Variants in SPIRE1 observed in about 807,000 individuals in gnomAD.
SPIRE1 encodes the protein spire type actin nucleation factor 1, also known as protein spire homolog 1.
A neutral mutation model predicts 94.1 loss-of-function variants in SPIRE1; 40 were observed. The ratio of observed to expected loss-of-function variants is 0.43; its 90% confidence interval spans 0.33 to 0.55. The LOEUF (loss-of-function observed/expected upper bound fraction) is 0.55, where lower values mean the gene tolerates loss of function less well. Ranked by LOEUF, SPIRE1 falls within the 20% of genes least tolerant of loss-of-function variation. SPIRE1 has a pLI of 0.06. For missense variants in SPIRE1, 838 were observed against 975.2 expected, an observed-to-expected ratio of 0.86 and a Z score of 1.87; for synonymous variants, 376 against 371.7, an observed-to-expected ratio of 1.01 and a Z score of -0.13.
rs561026025 is a variant in SPIRE1 at position 12,575,303 on chromosome 18, T to TA, written c.373-28400dup. ...AGTGAACACAAAGAGTAAAAAAAAA[T>TA]AAAAAAATTAAAATAAAAAAGCTAG... On this transcript the variant is annotated intron_variant, in intron 2 of 16. Transcript: ENST00000409402. Among the ~76,000 whole-genome samples, 176 of 151,656 alleles carry TA rather than the reference T, an allele frequency of 1.2e-3. 1 individual carries two copies. Among genetic ancestry groups the TA allele is most frequent in the African/African-American group, 3.8e-3 (156 of 41,358 alleles).
chr18:12,453,027 A>C (rs184693209), intron 14 of SPIRE1, 41 bp downstream of exon 14: 1 of 1,290,360 alleles, frequency 7.7e-7, no homozygotes, highest in South Asian at 1.4e-5. Flanking sequence ...TTCTCTTACG[A>C]CTGTTAAATT....
chr18:12,617,649 G>A, intron 2 of SPIRE1, among the ~76,000 whole-genome samples: 1 of 152,076 alleles, frequency 6.6e-6, no homozygotes, highest in East Asian at 1.9e-4. Flanking sequence ...GACCTCAGGT[G>A]ATCCACCACC....
At chr18:12,528,979 C>A (rs1046929218) in intron 4 of SPIRE1, among the ~76,000 whole-genome samples, 1 of 152,164 alleles carries the variant, frequency 6.6e-6, no homozygotes, top group Non-Finnish European at 1.5e-5. Flanking sequence ...AGATTATATT[C>A]TTGTGGCAGA....
At chr18:12,534,826 T>C (rs923139102) in intron 4 of SPIRE1, among the ~76,000 whole-genome samples, 8 of 152,192 alleles carry the variant, frequency 5.3e-5, no homozygotes, top group African/African-American at 1.9e-4. Flanking sequence ...CCCAAGTAGC[T>C]GGGATTACAG....
intron 3 of SPIRE1, among the ~76,000 whole-genome samples, chr18:12,543,075 G>C (rs907917788): frequency 1.3e-5 from 2 of 152,090 alleles, no homozygotes; most frequent in Non-Finnish European, 2.9e-5. Flanking sequence ...TGATCCGCCC[G>C]TCTCGGCCTC....
At chr18:12,638,231 G>A (rs1234140029) in intron 1 of SPIRE1, among the ~76,000 whole-genome samples, 19 of 152,170 alleles carry the variant, frequency 1.2e-4, no homozygotes, top group African/African-American at 1.2e-4. Flanking sequence ...GATTGTTTGA[G>A]CTCAGGAGTT....
At chr18:12,596,963 A>C (rs2036689631) in intron 2 of SPIRE1, among the ~76,000 whole-genome samples, 1 of 151,924 alleles carries the variant, frequency 6.6e-6, no homozygotes, top group Admixed American at 6.6e-5. Flanking sequence ...CTCCACCTTA[A>C]GAATGAGCAA....
chr18:12,452,194 C>T (rs1444074129), intron 16 of SPIRE1, 61 bp downstream of exon 16: 2 of 1,601,466 alleles, frequency 1.2e-6, no homozygotes, highest in African/African-American at 1.3e-5. Flanking sequence ...CTACCACAGT[C>T]CTCAAGAGTA....
intron 1 of SPIRE1, among the ~76,000 whole-genome samples, chr18:12,637,860 G>GAC: frequency 6.6e-6 from 1 of 151,794 alleles, no homozygotes; most frequent in Non-Finnish European, 1.5e-5. Flanking sequence ...GGGCATAAGA[G>GAC]TCTATAAAAT....
chr18:12,541,214 T>C (rs1340287151), intron 3 of SPIRE1, among the ~76,000 whole-genome samples: 1 of 152,232 alleles, frequency 6.6e-6, no homozygotes, highest in Non-Finnish European at 1.5e-5. Flanking sequence ...ATTTCCTATG[T>C]AATTATAACC....
intron 9 of SPIRE1, among the ~76,000 whole-genome samples, chr18:12,484,535 CA>C (rs1346134409): frequency 6.6e-6 from 1 of 151,982 alleles, no homozygotes; most frequent in African/African-American, 2.4e-5. Context: ...GGAAGATACT[CA>C]ATAAATATTC....
At chr18:12,634,260 A>T (rs1294201802) in intron 2 of SPIRE1, among the ~76,000 whole-genome samples, 262 of 18,820 alleles carry the variant, frequency 0.014, no homozygotes, top group Middle Eastern at 0.071. Context: ...AATAAAAATA[A>T]AAAAAAAAAA....
intron 2 of SPIRE1, among the ~76,000 whole-genome samples, chr18:12,574,364 G>A (rs1205280210): frequency 1.3e-5 from 2 of 152,176 alleles, no homozygotes; most frequent in East Asian, 3.8e-4. Context: ...CAAATCTAGG[G>A]CTGATGGTTT....
Position 12,657,761 on chromosome 18 carries a change from A to G in SPIRE1, c.106T>C (p.Ser36Pro). The G allele has an allele frequency of 7.4e-7, 1 of 1,344,720 alleles. No individual in the cohort carries two copies. The highest frequency in any genetic ancestry group is 1.7e-5 in the South Asian group (1 of 57,598). The allele number at this position is 1,344,720 out of a possible 1,614,324, so 83.3% of individuals were successfully genotyped here. The change falls in exon 1 of 17, where the codon TCC (serine) becomes CCC (proline). Residue 36 changes from serine (S) to proline (P), a missense_variant. By Grantham distance (74) the Ser-to-Pro change is moderately conservative. Transcript: ENST00000409402. ...TCCTCCAGGCTCAGCGCGTCCCGGG[A>G]GCCCCCGGCCGCGCCGCCGGCTGCC... ...PGAAGGAAGG[S>P]RDALSLEEIL...
intron 4 of SPIRE1, among the ~76,000 whole-genome samples, chr18:12,514,530 G>C (rs1218665628): frequency 6.6e-6 from 1 of 151,944 alleles, no homozygotes; most frequent in Non-Finnish European, 1.5e-5. Flanking sequence ...TAGGTGCTTA[G>C]TAAATATTTC....
At chr18:12,520,422 A>G (rs2034326273) in intron 4 of SPIRE1, among the ~76,000 whole-genome samples, 1 of 152,188 alleles carries the variant, frequency 6.6e-6, no homozygotes, top group African/African-American at 2.4e-5. Flanking sequence ...GAGTTCTTCC[A>G]CGAGCTTTCA....
At chr18:12,651,946 CTTAAGA>C (rs2038390631) in intron 1 of SPIRE1, among the ~76,000 whole-genome samples, 2 of 152,172 alleles carry the variant, frequency 1.3e-5, no homozygotes, top group South Asian at 4.1e-4. Context: ...TTCTACCAAC[CTTAAGA>C]TTATTTTAAA....
intron 7 of SPIRE1, 24 bp from the exon 8 acceptor site, chr18:12,493,225 A>T (rs1350901417): frequency 1.9e-6 from 3 of 1,600,608 alleles, no homozygotes; most frequent in Non-Finnish European, 2.6e-6. Context: ...AAAATGGCTA[A>T]AGACTTCAGT....
intron 12 of SPIRE1, 80 bp downstream of exon 12, chr18:12,463,271 T>C: frequency 7.3e-7 from 1 of 1,372,690 alleles, no homozygotes; most frequent in Non-Finnish European, 9.7e-7. Context: ...TTTTTCTCCT[T>C]ATCATCTTCA....
Sources: allele counts gnomAD v4.1 joint callset (sites outside exome capture counted in the v4.1 genomes callset), GRCh38; gene constraint gnomAD v4.1.1; transcripts MANE v1.5; gene names NCBI Gene and HGNC (gene_info 2026-07-23, HGNC 2026-07-21).